The following AGBL4 variants were observed in gnomAD, a reference collection of about 807,000 sequenced individuals.
AGBL4 encodes AGBL carboxypeptidase 4, also known as cytosolic carboxypeptidase 6.
Under a neutral mutation model 66.4 loss-of-function variants are expected in AGBL4, and 58 were observed. That is an observed-to-expected ratio of 0.87 (90% CI 0.71 to 1.09). The LOEUF is 1.09. AGBL4 is among the 50% of genes least tolerant of loss of function. AGBL4 has a pLI of 0.00. For synonymous variants in AGBL4, 234 were observed against 222.9 expected, an observed-to-expected ratio of 1.05 and a Z score of -0.44; for missense variants, 579 against 631.0, an observed-to-expected ratio of 0.92 and a Z score of 0.88.
chr1:48,757,671 C>T (rs1295908232), intron 6 of AGBL4, among the ~76,000 whole-genome samples: 4 of 152,174 alleles, frequency 2.6e-5, no homozygotes, highest in Non-Finnish European at 5.9e-5. Context: ...TGGGGATATA[C>T]TTTAAGAAGC....
chr1:48,898,730 T>C (rs1484061332), intron 5 of AGBL4, among the ~76,000 whole-genome samples: 1 of 152,192 alleles, frequency 6.6e-6, no homozygotes, highest in Non-Finnish European at 1.5e-5. Context: ...AGTGTGATGC[T>C]TCCAGCCTTG....
At chr1:49,113,026 A>C (rs1234040735) in intron 4 of AGBL4, among the ~76,000 whole-genome samples, 1 of 149,364 alleles carries the variant, frequency 6.7e-6, no homozygotes, top group African/African-American at 2.5e-5. Context: ...ATCTCGGCTC[A>C]CTGCGAGCTC....
Position 49,844,717 on chromosome 1 carries a change from C to A in AGBL4, c.157+6679G>T, listed in dbSNP as rs990966445. The A allele has an allele frequency of 2.5e-6, 4 of 1,604,450 alleles. No individual in the cohort carries two copies. In the African/African-American group the frequency reaches 5.4e-5, roughly 22 times the overall value. Reference sequence around the variant, plus strand: ...CTTGGAAACTAGACCCAAAGTCAAACTGTCAGTTCTAAAGCAACGTATCTC... The same window carrying A: ...CTTGGAAACTAGACCCAAAGTCAAAATGTCAGTTCTAAAGCAACGTATCTC... On this transcript the variant is annotated intron_variant, in intron 2 of 13. Transcript: ENST00000371839.
At chr1:49,365,708 C>T (rs17098808) in intron 3 of AGBL4, among the ~76,000 whole-genome samples, 10,383 of 152,012 alleles carry the variant, frequency 0.068, 1,140 homozygotes, top group African/African-American at 0.23. Flanking sequence ...TGTGCCACTA[C>T]CCTCTATTTC....
At chr1:48,704,627 C>T (rs770709362) in intron 6 of AGBL4, among the ~76,000 whole-genome samples, 2 of 152,054 alleles carry the variant, frequency 1.3e-5, no homozygotes, top group Non-Finnish European at 2.9e-5. Flanking sequence ...TTAGCCTAGG[C>T]CCACGCAAGG....
At chr1:49,555,130 TCCATTTTACAGAGAGCTGATTGGC>T (rs1422805408) in intron 3 of AGBL4, among the ~76,000 whole-genome samples, 3 of 152,270 alleles carry the variant, frequency 2.0e-5, no homozygotes, top group Non-Finnish European at 2.9e-5. Flanking sequence ...CGCTGATTGG[TCCATTTTACAGAGAGCTGATTGGC>T]CCATTTTACA....
At chr1:49,889,992 C>T (rs189657255) in intron 1 of AGBL4, among the ~76,000 whole-genome samples, 26 of 152,162 alleles carry the variant, frequency 1.7e-4, no homozygotes, top group East Asian at 1.2e-3. Context: ...GAAAATTACA[C>T]GTATTGAACC....
intron 3 of AGBL4, among the ~76,000 whole-genome samples, chr1:49,543,680 C>A (rs1020986127): frequency 6.6e-6 from 1 of 152,116 alleles, no homozygotes; most frequent in Non-Finnish European, 1.5e-5. Context: ...CATTAGATTG[C>A]TAATCTCCTT....
intron 2 of AGBL4, among the ~76,000 whole-genome samples, chr1:49,803,277 C>A (rs1218136710): frequency 6.6e-6 from 1 of 152,030 alleles, no homozygotes; most frequent in Admixed American, 6.6e-5. Context: ...CAAGTAGCAG[C>A]AAATAAATAA....
chr1:49,412,105 A>C (rs1557916344), intron 3 of AGBL4, among the ~76,000 whole-genome samples: 2 of 152,308 alleles, frequency 1.3e-5, no homozygotes, highest in South Asian at 4.1e-4. Context: ...TCATAAAAAA[A>C]ATCTGTAGAA....
At chr1:48,713,630 C>G (rs1218453518) in intron 6 of AGBL4, among the ~76,000 whole-genome samples, 1 of 152,134 alleles carries the variant, frequency 6.6e-6, no homozygotes, top group Non-Finnish European at 1.5e-5. Flanking sequence ...TCTGCAGAGC[C>G]TGGATCATGT....
intron 3 of AGBL4, among the ~76,000 whole-genome samples, chr1:49,497,572 G>A (rs1039177415): frequency 3.9e-5 from 6 of 151,970 alleles, no homozygotes; most frequent in Non-Finnish European, 4.4e-5. Context: ...CATGATGTGA[G>A]ATAAAGTCTA....
At chr1:49,740,825 A>G (rs1650384059) in intron 2 of AGBL4, among the ~76,000 whole-genome samples, 1 of 152,252 alleles carries the variant, frequency 6.6e-6, no homozygotes, top group African/African-American at 2.4e-5. Flanking sequence ...AAATGAAGGC[A>G]GAAATAAAGA....
intron 6 of AGBL4, among the ~76,000 whole-genome samples, chr1:48,824,804 G>A (rs55786946): frequency 0.023 from 3,493 of 152,212 alleles, 69 homozygotes; most frequent in Non-Finnish European, 0.037. Flanking sequence ...GAGGGGCTAC[G>A]GGGGCAAGCG....
chr1:49,884,272 T>C (rs1647767409), intron 1 of AGBL4, among the ~76,000 whole-genome samples: 1 of 151,970 alleles, frequency 6.6e-6, no homozygotes, highest in Non-Finnish European at 1.5e-5. Context: ...TCTTTGAGTC[T>C]GTTTATTTCC....
intron 3 of AGBL4, among the ~76,000 whole-genome samples, chr1:49,291,855 G>A (rs973438661): frequency 1.3e-5 from 2 of 152,180 alleles, no homozygotes; most frequent in Non-Finnish European, 1.5e-5. Flanking sequence ...CTTCTGAGTT[G>A]TTGAAGCAGG....
Position 49,948,570 on chromosome 1 carries a change from T to A in AGBL4, c.34+75193A>T, listed in dbSNP as rs781199609. On this transcript the variant is annotated intron_variant, in intron 1 of 13. Coordinates refer to ENST00000371839, the MANE Select transcript of AGBL4 (RefSeq NM_032785.4). ...ATATATATAAATATATAAAAATATA[T>A]ATATATATATATAGAGAGAGAGAGA... Among the ~76,000 whole-genome samples, 577 of 109,492 alleles carry A rather than the reference T, an allele frequency of 5.3e-3. 6 individuals are homozygous for A. Among genetic ancestry groups the A allele is most frequent in the African/African-American group, 0.02 (523 of 26,000 alleles). 71.8% of individuals were successfully genotyped at this position (109,492 alleles called of 152,430 possible).
chr1:49,344,367 A>T (rs1570479798), intron 3 of AGBL4, among the ~76,000 whole-genome samples: 1 of 152,196 alleles, frequency 6.6e-6, no homozygotes, highest in Non-Finnish European at 1.5e-5. Context: ...AAGGTGTATA[A>T]GGAAAGTAGA....
intron 1 of AGBL4, among the ~76,000 whole-genome samples, chr1:49,967,663 TAAAA>T (rs1374828512): frequency 6.6e-6 from 1 of 152,032 alleles, no homozygotes; most frequent in South Asian, 2.1e-4. Flanking sequence ...ATTAAAAAAA[TAAAA>T]AATAAAGATT....
Sources: gnomAD v4.1 joint callset for allele counts (sites outside exome capture counted in the v4.1 genomes callset) on GRCh38, gnomAD v4.1.1 for gene constraint, MANE v1.5 for transcripts, NCBI Gene and HGNC (gene_info 2026-07-23, HGNC 2026-07-21) for gene names.